Variants in DPP10 observed in about 807,000 individuals in gnomAD.
The protein encoded by DPP10 is inactive dipeptidyl peptidase 10.
Under a neutral mutation model 120.9 loss-of-function variants are expected in DPP10, and 33 were observed. The observed-to-expected ratio is 0.27, with a 90% CI of 0.21 to 0.37. The LOEUF is 0.37. DPP10 is among the 10% of genes least tolerant of loss of function. The pLI is 1.00. For missense variants in DPP10, 816 were observed against 942.8 expected (o/e 0.87, Z 1.76); for synonymous variants, 337 against 326.1 (o/e 1.03, Z -0.36).
intron 3 of DPP10, among the ~76,000 whole-genome samples, chr2:115,477,654 A>T (rs976110078): frequency 1.1e-4 from 16 of 152,170 alleles, no homozygotes; most frequent in African/African-American, 3.9e-4. Flanking sequence ...ACCCTTCCTA[A>T]AACTTATATG....
intron 1 of DPP10, among the ~76,000 whole-genome samples, chr2:115,229,500 G>T (rs1417817977): frequency 6.6e-6 from 1 of 152,030 alleles, no homozygotes; most frequent in Non-Finnish European, 1.5e-5. Flanking sequence ...TTTTTGTACA[G>T]TAGTTTCATA....
chr2:114,586,767 G>A (rs1179860114), intron 1 of DPP10, among the ~76,000 whole-genome samples: 1 of 152,140 alleles, frequency 6.6e-6, no homozygotes, highest in Non-Finnish European at 1.5e-5. Context: ...GGTAATCAGT[G>A]AGTTCTTGCT....
At chr2:115,720,560 A>G (rs1454704494) in intron 7 of DPP10, among the ~76,000 whole-genome samples, 1 of 152,096 alleles carries the variant, frequency 6.6e-6, no homozygotes, top group Admixed American at 6.6e-5. Flanking sequence ...TCTCTGATAA[A>G]AAATAACTGT....
Position 115,276,213 on chromosome 2 carries a change from C to T in DPP10, c.61-33026C>T, listed in dbSNP as rs140346272. 1.2e-4 allele frequency among the ~76,000 whole-genome samples: 18 copies of T among 152,202 alleles called. 1 individual carries two copies. The highest frequency in any genetic ancestry group is 4.3e-4 in the African/African-American group (18 of 41,550). ...TTAGAGAGGGGAGTATAAAGATACA[C>T]AGAACCCGGGCAATTCAAATTTGGG... On this transcript the variant is annotated intron_variant, in intron 1 of 25. Coordinates refer to ENST00000410059, the MANE Select transcript of DPP10 (RefSeq NM_020868.6).
At chr2:115,532,182 C>G (rs1445818559) in intron 5 of DPP10, among the ~76,000 whole-genome samples, 1 of 152,016 alleles carries the variant, frequency 6.6e-6, no homozygotes, top group Non-Finnish European at 1.5e-5. Flanking sequence ...TTTTTGGGTG[C>G]TTAGATAGTG....
chr2:115,531,721 G>A (rs772758395), intron 5 of DPP10, among the ~76,000 whole-genome samples: 17 of 152,032 alleles, frequency 1.1e-4, no homozygotes, highest in South Asian at 2.1e-4. Context: ...AAGATAGCTT[G>A]AACTTCTATA....
chr2:115,490,707 A>C (rs1044864416), intron 3 of DPP10, among the ~76,000 whole-genome samples: 1 of 152,226 alleles, frequency 6.6e-6, no homozygotes, highest in Non-Finnish European at 1.5e-5. Context: ...AAATGTATTA[A>C]AAATTATTTA....
intron 1 of DPP10, among the ~76,000 whole-genome samples, chr2:114,958,486 A>C (rs556983180): frequency 5.6e-4 from 86 of 152,318 alleles, no homozygotes; most frequent in African/African-American, 2.0e-3. Context: ...GAATAGAATT[A>C]ATGCATTGCA....
At chr2:114,549,210 T>C (rs1171483488) in intron 1 of DPP10, among the ~76,000 whole-genome samples, 1 of 151,886 alleles carries the variant, frequency 6.6e-6, no homozygotes, top group Non-Finnish European at 1.5e-5. Flanking sequence ...CTGGCTTCTT[T>C]CTCGGTGTCG....
intron 1 of DPP10, among the ~76,000 whole-genome samples, chr2:114,803,810 A>G (rs1310642996): frequency 1.3e-5 from 2 of 152,188 alleles, no homozygotes; most frequent in Non-Finnish European, 2.9e-5. Context: ...TTGCAGCCTG[A>G]TTATGTGGAT....
At chr2:115,214,843 T>C (rs867795815) in intron 1 of DPP10, among the ~76,000 whole-genome samples, 5 of 152,172 alleles carry the variant, frequency 3.3e-5, no homozygotes, top group Admixed American at 2.6e-4. Flanking sequence ...TGTGAGCCCC[T>C]TGCTTCCTTT....
chr2:115,443,134 A>C lies in DPP10; in HGVS notation c.272-56376A>C, dbSNP rs779133609. Among the ~76,000 whole-genome samples, 127 of 152,222 alleles carry C rather than the reference A, an allele frequency of 8.3e-4. 1 individual carries two copies. The highest frequency in any genetic ancestry group is 2.4e-4 in the Non-Finnish European group (16 of 68,032). ...TGCTTTGATTTGGAAAGGCTAAGTT[A>C]TGAGACAGCCACATAATTTTCATTA... On this transcript the variant is annotated intron_variant, in intron 3 of 25. Coordinates refer to ENST00000410059, the MANE Select transcript of DPP10 (RefSeq NM_020868.6).
chr2:114,445,449 G>T (rs771077612), intron 1 of DPP10, among the ~76,000 whole-genome samples: 9 of 151,948 alleles, frequency 5.9e-5, no homozygotes, highest in Non-Finnish European at 1.3e-4. Context: ...CGGCTAAAAA[G>T]AATGCAATGG....
intron 1 of DPP10, among the ~76,000 whole-genome samples, chr2:115,216,228 A>T (rs952287323): frequency 1.3e-5 from 2 of 152,162 alleles, no homozygotes; most frequent in Non-Finnish European, 2.9e-5. Flanking sequence ...TGATGGTTAC[A>T]CTAAAAGCCC....
chr2:114,729,431 T>C (rs7585945), intron 1 of DPP10, among the ~76,000 whole-genome samples: 33 of 152,238 alleles, frequency 2.2e-4, no homozygotes, highest in Non-Finnish European at 3.1e-4. Flanking sequence ...GACTCTGTCA[T>C]GGGTGGGTTT....
At chr2:115,499,685 T>G in intron 4 of DPP10, 81 bp downstream of exon 4, 1 of 957,852 alleles carries the variant, frequency 1.0e-6, no homozygotes, top group Non-Finnish European at 1.5e-6. Context: ...TTTCTATTCT[T>G]CAGCTCCAGC....
intron 7 of DPP10, among the ~76,000 whole-genome samples, chr2:115,711,874 T>A (rs2092325592): frequency 6.6e-6 from 1 of 151,672 alleles, no homozygotes; most frequent in Non-Finnish European, 1.5e-5. Context: ...AAAATGCATT[T>A]TTAAGAGTTT....
intron 1 of DPP10, among the ~76,000 whole-genome samples, chr2:115,279,652 C>CTTTTTTTTTTTT (rs1244784112): frequency 2.8e-5 from 1 of 35,240 alleles, no homozygotes; most frequent in Non-Finnish European, 6.0e-5. Context: ...TTTTTTTCTT[C>CTTTTTTTTTTTT]TTCTTTTTTT....
intron 1 of DPP10, among the ~76,000 whole-genome samples, chr2:114,670,675 TATAATA>T (rs979233035): frequency 6.6e-6 from 1 of 152,118 alleles, no homozygotes; most frequent in Non-Finnish European, 1.5e-5. Flanking sequence ...AAACTTAAAG[TATAATA>T]ATAATAAGAA....
Sources: allele counts gnomAD v4.1 joint callset (sites outside exome capture counted in the v4.1 genomes callset), GRCh38; gene constraint gnomAD v4.1.1; transcripts MANE v1.5; gene names NCBI Gene and HGNC (gene_info 2026-07-23, HGNC 2026-07-21).